NR2F1: variants seen among roughly 807,000 people sequenced by gnomAD.
NR2F1 encodes the protein COUP transcription factor 1.
In NR2F1, 1 loss-of-function variant was observed where a neutral mutation model predicts 37.7. The observed-to-expected ratio is 0.03, with a 90% confidence interval of 0.01 to 0.13. The LOEUF is 0.13. NR2F1 is among the 10% of genes least tolerant of loss of function. NR2F1 has a pLI of 1.00. For synonymous variants in NR2F1, 275 were observed against 259.6 expected, an observed-to-expected ratio of 1.06 and a Z score of -0.57; for missense variants, 268 against 578.4, an observed-to-expected ratio of 0.46 and a Z score of 5.50.
Position 93,587,900 on chromosome 5 carries a change from C to T in NR2F1, c.464-17C>T. The T allele has an allele frequency of 1.3e-6, 2 of 1,547,916 alleles. No homozygotes were observed. Among genetic ancestry groups the T allele is most frequent in the African/African-American group, 1.4e-5 (1 of 73,392 alleles). ...CCTGGATGCACATTGCCTCTTTTCT[C>T]TCTTTCTTTTTGTCAGCGGTTCAGC... On this transcript the variant is annotated splice_polypyrimidine_tract_variant and intron_variant, in intron 1 of 2. Transcript: ENST00000327111.
In NR2F1 at chr5:93,584,199, T is replaced by G. The variant is rs1015173253; in HGVS notation, c.-825T>G. 6.7e-6 allele frequency: 1 copy of G among 148,212 alleles called. No homozygotes were observed. Among genetic ancestry groups the G allele is most frequent in the Non-Finnish European group, 1.5e-5 (1 of 66,534 alleles). The allele number at this position is 148,212 out of a possible 1,614,324, so 9.2% of individuals were successfully genotyped here. A position where few individuals can be genotyped will look rare whatever the true frequency, so the allele number is the denominator to read the frequency against. ...GGGCGGCCCCGGCCTCCGCTCGCGC[T>G]CCGGCTGCGGCCCCGACTCCTGCTC... is the stretch of plus-strand genomic sequence containing the variant. On this transcript the variant is annotated 5_prime_UTR_variant, in exon 1 of 3. Transcript: ENST00000327111.
chr5:93,587,583 T>G, intron 1 of NR2F1: 3 of 272,596 alleles, frequency 1.1e-5, no homozygotes, highest in East Asian at 6.4e-5. Flanking sequence ...TGAGTGGGGT[T>G]TCATTTATCT....
intron 1 of NR2F1, among the ~76,000 whole-genome samples, chr5:93,585,906 G>GT (rs1037003638): frequency 1.3e-4 from 20 of 151,708 alleles, no homozygotes; most frequent in African/African-American, 3.1e-4. Flanking sequence ...TGTTTCTGTG[G>GT]TTTTTTTTCA....
rs1025738295 is a variant in NR2F1, at chr5:93,594,276, C to T, written c.*434C>T. 6.3e-6 allele frequency: 1 copy of T among 157,836 alleles called. No homozygotes were observed. The highest frequency in any genetic ancestry group is 2.4e-5 in the African/African-American group (1 of 41,658). 9.8% of individuals were successfully genotyped at this position (157,836 alleles called of 1,614,324 possible). A position where few individuals can be genotyped will look rare whatever the true frequency, so the allele number is the denominator to read the frequency against. ...ACTGAAGCCTATGTAGAAACACACA[C>T]ACACTGAACATTGTTATTCATTTTG... On this transcript the variant is annotated 3_prime_UTR_variant, in exon 3 of 3. Transcript: ENST00000327111.
chr5:93,587,532 C>T lies in NR2F1; in HGVS notation c.464-385C>T, dbSNP rs896591925. On this transcript the variant is annotated intron_variant, in intron 1 of 2. Coordinates refer to ENST00000327111, the MANE Select transcript of NR2F1 (RefSeq NM_005654.6). ...GAACCACAACCTTTCTCCGGTTTCG[C>T]CTTTTTTTAACCCTGATTTTTTTTT... 10 of 199,190 alleles carry T rather than the reference C, an allele frequency of 5.0e-5. No homozygotes were observed. In the East Asian group the frequency reaches 1.1e-3, roughly 21 times the overall value. 12.3% of individuals were successfully genotyped at this position (199,190 alleles called of 1,614,324 possible).
rs757001442 is a variant in NR2F1, at chr5:93,588,460, C to G, written c.991+16C>G. On this transcript the variant is annotated intron_variant, in intron 2 of 2. Coordinates refer to ENST00000327111, the MANE Select transcript of NR2F1 (RefSeq NM_005654.6). Reference sequence around the variant, plus strand: ...TTCACGTCAGGTGAGGCTGCGGTCGCGGGGAGGGCAGGCCGCGCCGGCAGC... The same window carrying G: ...TTCACGTCAGGTGAGGCTGCGGTCGGGGGGAGGGCAGGCCGCGCCGGCAGC... 16 of 1,532,534 alleles carry G rather than the reference C, an allele frequency of 1.0e-5. No homozygotes were observed. The highest frequency in any genetic ancestry group is 1.2e-5 in the Non-Finnish European group (14 of 1,136,428). 94.9% of individuals were successfully genotyped at this position (1,532,534 alleles called of 1,614,324 possible).
At chr5:93,591,437 C>T (rs1753327184) in intron 2 of NR2F1, among the ~76,000 whole-genome samples, 2 of 152,202 alleles carry the variant, frequency 1.3e-5, no homozygotes, top group South Asian at 2.1e-4. Context: ...AACCAGGGCT[C>T]CTGCCGGAGG....
intron 1 of NR2F1, among the ~76,000 whole-genome samples, chr5:93,586,126 GGAGCTGGGGCCGCCTCCTCCA>G (rs1753228728): frequency 1.3e-5 from 2 of 151,300 alleles, no homozygotes; most frequent in African/African-American, 4.9e-5. Context: ...TCTTCTTCAC[GGAGCTGGGGCCGCCTCCTCCA>G]GAGCTGTGGC....
In NR2F1 at chr5:93,585,075, G is replaced by C; in HGVS notation, c.52G>C (p.Gly18Arg). The C allele has an allele frequency of 9.7e-7, 1 of 1,028,298 alleles. No homozygotes were observed. The highest frequency in any genetic ancestry group is 1.2e-6 in the Non-Finnish European group (1 of 859,422). The allele number at this position is 1,028,298 out of a possible 1,614,324, so 63.7% of individuals were successfully genotyped here. A position where few individuals can be genotyped will look rare whatever the true frequency, so the allele number is the denominator to read the frequency against. Residue 18 changes from glycine (G) to arginine (R), a missense_variant, in exon 1 of 3, where the codon GGC becomes CGC. Physicochemically the swap from Gly to Arg is moderately radical, Grantham distance 125. Transcript: ENST00000327111. Reference sequence around the variant, plus strand: ...AGATCCGCAGGACGACGTGGCCGGGGGCAACCCCGGCGGCCCCAACCCCGC... The same window carrying C: ...AGATCCGCAGGACGACGTGGCCGGGCGCAACCCCGGCGGCCCCAACCCCGC... Reference protein sequence around the residue: ...WRDPQDDVAGGNPGGPNPAAQ... With the variant: ...WRDPQDDVAGRNPGGPNPAAQ...
rs1395991128 is a variant in NR2F1 at position 93,587,951 on chromosome 5, C to T, written c.498C>T (p.Pro166=). 6 of 1,596,250 alleles carry T rather than the reference C, an allele frequency of 3.8e-6. No individual in the cohort carries two copies. The East Asian group carries it at 6.7e-5, about 18-fold the overall frequency. ...VQRGRMPPTQ[P]NPGQYALTNG... is the part of the protein sequence containing the mutation. ...GAGGAAGAATGCCTCCAACCCAGCC[C>T]AATCCAGGCCAGTACGCACTCACCA... Residue 166 remains proline, a synonymous_variant, in exon 2 of 3, where the codon CCC becomes CCT. Transcript: ENST00000327111.
At chr5:93,585,781 T>G in intron 1 of NR2F1, 30 of 423,112 alleles carry the variant, frequency 7.1e-5, no homozygotes, top group East Asian at 9.3e-5. Flanking sequence ...AATCCCCTTC[T>G]TCCCTCTGTC....
chr5:93,590,083 G>A (rs1177968116), intron 2 of NR2F1, among the ~76,000 whole-genome samples: 1 of 152,222 alleles, frequency 6.6e-6, no homozygotes. Flanking sequence ...GTGACAAAGA[G>A]CCTGGGAAGC....
chr5:93,588,182 G>A lies in NR2F1; in HGVS notation c.729G>A (p.Leu243=), dbSNP rs1458259613. The A allele has an allele frequency of 6.2e-7, 1 of 1,614,094 alleles. No homozygotes were observed. Among genetic ancestry groups the A allele is most frequent in the Admixed American group, 1.7e-5 (1 of 60,030 alleles). ...WARNIPFFPD[L]QITDQVSLLR... ...GCAACATCCCCTTCTTCCCGGATCT[G>A]CAGATCACCGACCAGGTGTCCCTGC... Residue 243 remains leucine (L), a synonymous_variant, in exon 2 of 3, where the codon CTG becomes CTA. Transcript: ENST00000327111.
intron 1 of NR2F1, chr5:93,587,691 G>C: frequency 3.7e-6 from 2 of 539,494 alleles, no homozygotes; most frequent in Non-Finnish European, 6.5e-6. Flanking sequence ...CGGGGCTGAC[G>C]TGGCCAGGGG....
chr5:93,585,783 C>T, intron 1 of NR2F1: 2 of 441,868 alleles, frequency 4.5e-6, no homozygotes, highest in Non-Finnish European at 4.2e-6. Context: ...TCCCCTTCTT[C>T]CCTCTGTCTT....
chr5:93,585,320 C>G lies in NR2F1; in HGVS notation c.297C>G (p.Gly99=), dbSNP rs1002309583. The change falls in exon 1 of 3, where the codon GGC becomes GGG. Residue 99 remains glycine (G), a synonymous_variant. Transcript: ENST00000327111. ...CGDKSSGKHY[G]QFTCEGCKSF... ...ACAAGTCGAGCGGCAAGCACTACGG[C>G]CAATTCACCTGCGAGGGCTGCAAAA... is the stretch of plus-strand genomic sequence containing the variant. The G allele has an allele frequency of 6.2e-7, 1 of 1,612,912 alleles. No individual in the cohort carries two copies. Among genetic ancestry groups the G allele is most frequent in the Non-Finnish European group, 8.5e-7 (1 of 1,179,466 alleles).
chr5:93,588,386 G>T lies in NR2F1; in HGVS notation c.933G>T (p.Ala311=). ...IFQEQVEKLK[A]LHVDSAEYSC... is the part of the protein sequence containing the mutation. ...AGGAGCAGGTGGAGAAGCTCAAGGC[G>T]CTACACGTCGACTCAGCCGAGTACA... The change falls in exon 2 of 3, where the codon GCG becomes GCT. Residue 311 remains alanine, a synonymous_variant. Coordinates refer to ENST00000327111, the MANE Select transcript of NR2F1 (RefSeq NM_005654.6). The T allele has an allele frequency of 6.2e-6, 10 of 1,612,758 alleles. No individual in the cohort carries two copies. The highest frequency in any genetic ancestry group is 1.1e-5 in the South Asian group (1 of 91,058).
Position 93,594,012 on chromosome 5 carries a change from G to C in NR2F1, c.*170G>C. ...CCCACCCAGCAGAAATACAATCCGA[G>C]CTACAAAGCATGGGAAAAAGAGACT... is the stretch of plus-strand genomic sequence containing the variant. On this transcript the variant is annotated 3_prime_UTR_variant, in exon 3 of 3. Transcript: ENST00000327111. 1 of 602,198 alleles carries C rather than the reference G, an allele frequency of 1.7e-6. No homozygotes were observed. The highest frequency in any genetic ancestry group is 2.9e-6 in the Non-Finnish European group (1 of 344,058). The allele number at this position is 602,198 out of a possible 1,614,324, so 37.3% of individuals were successfully genotyped here. A position where few individuals can be genotyped will look rare whatever the true frequency, so the allele number is the denominator to read the frequency against.
chr5:93,594,457 C>T lies in NR2F1; in HGVS notation c.*615C>T, dbSNP rs1386387611. On this transcript the variant is annotated 3_prime_UTR_variant, in exon 3 of 3. Transcript: ENST00000327111. Reference sequence around the variant, plus strand: ...ATCTATATCTGTTTTGTATTTTTTTCTGGTTCCAAACCAGATTTCCTGTGA... The same window carrying T: ...ATCTATATCTGTTTTGTATTTTTTTTTGGTTCCAAACCAGATTTCCTGTGA... 2 of 152,030 alleles carry T rather than the reference C, an allele frequency of 1.3e-5. No homozygotes were observed. Among genetic ancestry groups the T allele is most frequent in the Non-Finnish European group, 2.9e-5 (2 of 68,002 alleles). The allele number at this position is 152,030 out of a possible 1,614,324, so 9.4% of individuals were successfully genotyped here.
Sources: gnomAD v4.1 joint callset for allele counts (sites outside exome capture counted in the v4.1 genomes callset) on GRCh38, gnomAD v4.1.1 for gene constraint, MANE v1.5 for transcripts, NCBI Gene and HGNC (gene_info 2026-07-23, HGNC 2026-07-21) for gene names.